The following APPL1 variants were observed in gnomAD, a reference collection of about 807,000 sequenced individuals.
The protein encoded by APPL1 is DCC-interacting protein 13-alpha.
In APPL1, 42 loss-of-function variants were observed where a neutral mutation model predicts 106.8. That is an observed-to-expected ratio of 0.39 (90% CI 0.31 to 0.51). APPL1 has a LOEUF of 0.51. APPL1 is among the 20% of genes least tolerant of loss of function. APPL1 has a pLI of 0.75. For missense variants in APPL1, 769 were observed against 858.2 expected, an observed-to-expected ratio of 0.90 and a Z score of 1.30; for synonymous variants, 263 against 281.8, an observed-to-expected ratio of 0.93 and a Z score of 0.67.
intron 7 of APPL1, among the ~76,000 whole-genome samples, chr3:57,244,358 G>A (rs2060761734): frequency 6.6e-6 from 1 of 152,148 alleles, no homozygotes; most frequent in African/African-American, 2.4e-5. Context: ...GTTTCACCAT[G>A]TTGGCCAGGC....
Position 57,256,836 on chromosome 3 carries a change from AG to A in APPL1, c.1153-120del, listed in dbSNP as rs1559512290. On this transcript the variant is annotated intron_variant, in intron 13 of 21. Coordinates refer to ENST00000288266, the MANE Select transcript of APPL1 (RefSeq NM_012096.3). ...AGACGAGGGAATATAGTACTACTTT[AG>A]TAGCTCTAATTTATATTTTAAGTGT... The A allele has an allele frequency of 2.3e-5, 17 of 736,664 alleles. No homozygotes were observed. In the East Asian group the frequency reaches 4.1e-4, roughly 18 times the overall value. The allele number at this position is 736,664 out of a possible 1,614,324, so 45.6% of individuals were successfully genotyped here. A position where few individuals can be genotyped will look rare whatever the true frequency, so the allele number is the denominator to read the frequency against.
At chr3:57,235,490 C>A in intron 1 of APPL1, 76 bp from the exon 2 acceptor site, 2 of 914,810 alleles carry the variant, frequency 2.2e-6, no homozygotes, top group Non-Finnish European at 3.3e-6. Context: ...ACGATTTTTG[C>A]TTCCTTTAGA....
At chr3:57,240,599 C>T (rs1225133893) in intron 5 of APPL1, 47 bp downstream of exon 5, 8 of 1,496,330 alleles carry the variant, frequency 5.3e-6, no homozygotes, top group African/African-American at 2.8e-5. Context: ...GTGAGATCAA[C>T]ACTTGTAAAA....
At chr3:57,243,029 T>A (rs2060755038) in intron 7 of APPL1, 115 bp downstream of exon 7, 2 of 722,744 alleles carry the variant, frequency 2.8e-6, no homozygotes, top group African/African-American at 3.6e-5. Context: ...TATATTACTA[T>A]TAGTTTATTC....
intron 10 of APPL1, among the ~76,000 whole-genome samples, chr3:57,248,589 G>A (rs2107603227): frequency 1.3e-5 from 2 of 152,288 alleles, no homozygotes; most frequent in South Asian, 4.1e-4. Context: ...TGAAACCAGG[G>A]CTGGGCATGG....
intron 13 of APPL1, among the ~76,000 whole-genome samples, chr3:57,256,628 AT>A (rs1256800452): frequency 6.6e-6 from 1 of 152,250 alleles, no homozygotes; most frequent in Non-Finnish European, 1.5e-5. Flanking sequence ...TTAATAAAAA[AT>A]ATCTGGTAGT....
chr3:57,232,276 C>G lies in APPL1; in HGVS notation c.55-3290C>G, dbSNP rs369622100. 4.2e-3 allele frequency among the ~76,000 whole-genome samples: 645 copies of G among 152,302 alleles called. 5 individuals are homozygous for G. Among genetic ancestry groups the G allele is most frequent in the African/African-American group, 0.015 (606 of 41,554 alleles). ...CTGTTTTTGCATAATATGAATTAAT[C>G]ATGAGATGTGCCTTTCCTCCCAACA... On this transcript the variant is annotated intron_variant, in intron 1 of 21. Coordinates refer to ENST00000288266, the MANE Select transcript of APPL1 (RefSeq NM_012096.3).
intron 4 of APPL1, among the ~76,000 whole-genome samples, chr3:57,239,216 G>A (rs1329334865): frequency 1.3e-5 from 2 of 152,138 alleles, no homozygotes; most frequent in Non-Finnish European, 2.9e-5. Context: ...CCCACAACAT[G>A]TGGGAATTAT....
chr3:57,229,343 C>T (rs1017747577), intron 1 of APPL1, among the ~76,000 whole-genome samples: 4 of 151,750 alleles, frequency 2.6e-5, no homozygotes, highest in African/African-American at 9.7e-5. Context: ...TTTTAATAGC[C>T]CATAAAGACT....
intron 16 of APPL1, among the ~76,000 whole-genome samples, chr3:57,259,307 C>G (rs945764440): frequency 2.0e-5 from 3 of 152,180 alleles, no homozygotes; most frequent in African/African-American, 7.2e-5. Context: ...ACTTTATAGT[C>G]AAATTCAGTG....
chr3:57,240,138 T>C (rs1406294887), intron 4 of APPL1, among the ~76,000 whole-genome samples: 2 of 151,726 alleles, frequency 1.3e-5, no homozygotes, highest in Non-Finnish European at 2.9e-5. Context: ...GTTGTTTTTT[T>C]TTTTTTTCAC....
intron 7 of APPL1, among the ~76,000 whole-genome samples, chr3:57,244,198 C>T (rs2060760793): frequency 6.6e-6 from 1 of 151,866 alleles, no homozygotes; most frequent in Admixed American, 6.6e-5. Flanking sequence ...TTCTGTCTCC[C>T]AGGCAGGAGT....
intron 7 of APPL1, among the ~76,000 whole-genome samples, chr3:57,245,154 T>A (rs980177706): frequency 6.6e-6 from 1 of 152,182 alleles, no homozygotes; most frequent in Non-Finnish European, 1.5e-5. Flanking sequence ...GGAGATAAAA[T>A]TTGTGAGTCA....
At chr3:57,249,152 G>C (rs2060790249) in intron 10 of APPL1, among the ~76,000 whole-genome samples, 2 of 152,114 alleles carry the variant, frequency 1.3e-5, no homozygotes, top group Admixed American at 1.3e-4. Context: ...TTCCAGCCTT[G>C]TTTTGGAAAC....
At chr3:57,238,295 T>C (rs2060726991) in intron 4 of APPL1, 179 bp downstream of exon 4, 1 of 512,640 alleles carries the variant, frequency 2.0e-6, no homozygotes, top group South Asian at 3.4e-5. Flanking sequence ...AAACATTGTT[T>C]TCCAGGAATA....
rs2060711581 is a variant in APPL1, at chr3:57,235,504, A to AAT, written c.55-59_55-58dup. The AAT allele has an allele frequency of 1.4e-5, 15 of 1,110,242 alleles. No individual in the cohort carries two copies. The South Asian group carries it at 2.6e-4, about 19-fold the overall frequency. 68.8% of individuals were successfully genotyped at this position (1,110,242 alleles called of 1,614,324 possible). A position where few individuals can be genotyped will look rare whatever the true frequency, so the allele number is the denominator to read the frequency against. On this transcript the variant is annotated intron_variant, in intron 1 of 21. Coordinates refer to ENST00000288266, the MANE Select transcript of APPL1 (RefSeq NM_012096.3). ...TACGATTTTTGCTTCCTTTAGAAAA[A>AAT]ATATTTTTCCATCTGATTTGTATAA... is the stretch of plus-strand genomic sequence containing the variant.
chr3:57,270,520 A>AT lies in APPL1; in HGVS notation c.*833_*834insT, dbSNP rs1331963550. The AT allele has an allele frequency of 3.9e-5, 6 of 152,678 alleles. No individual in the cohort carries two copies. The highest frequency in any genetic ancestry group is 7.3e-5 in the Non-Finnish European group (5 of 68,038). 9.5% of individuals were successfully genotyped at this position (152,678 alleles called of 1,614,324 possible). A position where few individuals can be genotyped will look rare whatever the true frequency, so the allele number is the denominator to read the frequency against. On this transcript the variant is annotated 3_prime_UTR_variant, in exon 22 of 22. Transcript: ENST00000288266. ...AGTAAAGATACTGCTATGGAATGAT[A>AT]CATTGTATTTTCTGCATTGTGTGAA...
chr3:57,230,782 T>C, intron 1 of APPL1: 1 of 457,658 alleles, frequency 2.2e-6, no homozygotes. Context: ...GTTTTTTGTT[T>C]TTTTTTTGAG....
In APPL1 at chr3:57,259,892, G is replaced by A. The variant is rs2060856164; in HGVS notation, c.1531G>A (p.Glu511Lys). 1 of 1,612,916 alleles carries A rather than the reference G, an allele frequency of 6.2e-7. No homozygotes were observed. The highest frequency in any genetic ancestry group is 8.5e-7 in the Non-Finnish European group (1 of 1,179,722). ...LFIVRFLGSM[E>K]VKSDDHPDVV... The stretch of plus-strand genomic sequence containing the variant: ...TATTGTCCGATTCCTTGGTTCAATG[G>A]AGGTGAAATCAGATGACCATCCAGA... The change falls in exon 17 of 22, where the codon GAG becomes AAG. Residue 511 changes from glutamate to lysine, a missense_variant. Coordinates refer to ENST00000288266, the MANE Select transcript of APPL1 (RefSeq NM_012096.3).
Sources: gnomAD v4.1 joint callset for allele counts (sites outside exome capture counted in the v4.1 genomes callset) on GRCh38, gnomAD v4.1.1 for gene constraint, MANE v1.5 for transcripts, NCBI Gene and HGNC (gene_info 2026-07-23, HGNC 2026-07-21) for gene names.